GOLGB1: variants seen among roughly 807,000 people sequenced by gnomAD.
The protein encoded by GOLGB1 is golgin subfamily B member 1.
Under a neutral mutation model 336.9 loss-of-function variants are expected in GOLGB1, and 174 were observed. The ratio of observed to expected loss-of-function variants is 0.52; its 90% CI spans 0.46 to 0.59. The LOEUF (loss-of-function observed/expected upper bound fraction) is 0.59. GOLGB1 is among the 20% of genes least tolerant of loss of function. The probability of loss-of-function intolerance (pLI) is 0.00; values close to 1 mark genes in which losing one functional copy is unlikely to be tolerated. For missense variants in GOLGB1, 3,331 were observed against 3,645.3 expected (o/e 0.91, Z 2.22); for synonymous variants, 1,208 against 1,289.2 (o/e 0.94, Z 1.35).
chr3:121,690,111 A>C (rs1942271970), intron 14 of GOLGB1, among the ~76,000 whole-genome samples: 1 of 152,232 alleles, frequency 6.6e-6, no homozygotes, highest in South Asian at 2.1e-4. Flanking sequence ...GCCTGCAAAT[A>C]AAACTTTACT....
rs536131389 is a variant in GOLGB1 at position 121,664,194 on chromosome 3, A to G, written c.*286T>C. 27 of 396,318 alleles carry G rather than the reference A, an allele frequency of 6.8e-5. No individual in the cohort carries two copies. The highest frequency in any genetic ancestry group is 1.1e-4 in the Non-Finnish European group (24 of 216,520). The allele number at this position is 396,318 out of a possible 1,614,324, so 24.6% of individuals were successfully genotyped here. ...ATCTTTTACAGGACCACAAAAGATC[A>G]GGGTCCTGCAAAATCTCAACAAATA... On this transcript the variant is annotated 3_prime_UTR_variant, in exon 22 of 22. Coordinates refer to ENST00000614479, the MANE Select transcript of GOLGB1 (RefSeq NM_001366282.2).
chr3:121,742,228 G>A (rs921956588), intron 1 of GOLGB1, among the ~76,000 whole-genome samples: 8 of 152,032 alleles, frequency 5.3e-5, no homozygotes, highest in Non-Finnish European at 7.4e-5. Context: ...ACTACAAGGC[G>A]ACAGTAAGCA....
chr3:121,699,203 A>C (rs1227627629), intron 12 of GOLGB1, among the ~76,000 whole-genome samples: 1 of 152,128 alleles, frequency 6.6e-6, no homozygotes, highest in Non-Finnish European at 1.5e-5. Context: ...CTTACATAAG[A>C]AGCTTTTTTT....
At chr3:121,737,424 G>A (rs543008917) in intron 1 of GOLGB1, among the ~76,000 whole-genome samples, 133 of 151,998 alleles carry the variant, frequency 8.8e-4, no homozygotes, top group African/African-American at 3.1e-3. Context: ...AGGCTGAGGC[G>A]GGTGGATCAC....
chr3:121,665,436 C>A (rs1368989628), intron 20 of GOLGB1, among the ~76,000 whole-genome samples: 13 of 151,164 alleles, frequency 8.6e-5, no homozygotes. Context: ...GCCTCACGTT[C>A]TTTTTTCCAC....
At chr3:121,725,298 C>A (rs1945498842) in intron 5 of GOLGB1, among the ~76,000 whole-genome samples, 1 of 152,222 alleles carries the variant, frequency 6.6e-6, no homozygotes, top group African/African-American at 2.4e-5. Flanking sequence ...AGGGACAGAA[C>A]TGCCTGAGGT....
chr3:121,720,906 T>C (rs1945146718), intron 6 of GOLGB1, among the ~76,000 whole-genome samples: 2 of 152,210 alleles, frequency 1.3e-5, no homozygotes. Context: ...CACAGTAACC[T>C]CTTTCGCCTT....
chr3:121,704,062 G>C (rs781683365), intron 10 of GOLGB1, among the ~76,000 whole-genome samples: 1 of 151,852 alleles, frequency 6.6e-6, no homozygotes, highest in Non-Finnish European at 1.5e-5. Context: ...AGAAAGTCTT[G>C]GTGAATTGAG....
intron 15 of GOLGB1, among the ~76,000 whole-genome samples, chr3:121,679,581 A>G (rs1211529014): frequency 6.6e-6 from 1 of 152,158 alleles, no homozygotes; most frequent in Admixed American, 6.5e-5. Context: ...AATGATACTA[A>G]CCACCATACT....
Position 121,694,586 on chromosome 3 carries a change from C to G in GOLGB1, c.5937G>C (p.Gln1979His), listed in dbSNP as rs757961924. ...CVSELEEEKQ[Q>H]LVKEKTKVES... ...CCACCTTAGTTTTTTCCTTGACTAA[C>G]TGCTGCTTTTCTTCTTCCAATTCAC... Residue 1979 changes from glutamine (Q) to histidine (H), a missense_variant, in exon 13 of 22, where the codon CAG (glutamine) becomes CAC (histidine). By Grantham distance (24) the Gln-to-His change is conservative. Transcript: ENST00000614479. 2 of 1,612,362 alleles carry G rather than the reference C, an allele frequency of 1.2e-6. No homozygotes were observed. Among genetic ancestry groups the G allele is most frequent in the Non-Finnish European group, 1.7e-6 (2 of 1,179,982 alleles).
In GOLGB1 at chr3:121,689,031, C is replaced by A. The variant is rs553653603; in HGVS notation, c.8694+1639G>T. On this transcript the variant is annotated intron_variant, in intron 14 of 21. Coordinates refer to ENST00000614479, the MANE Select transcript of GOLGB1 (RefSeq NM_001366282.2). ...GAGGGAGGTGGGGGGGTCAGCCCCC[C>A]GCCCAGCCAGCCGCCCCGTCCGGGA... 4.7e-5 allele frequency among the ~76,000 whole-genome samples: 7 copies of A among 150,198 alleles called. No individual in the cohort carries two copies. The South Asian group carries it at 1.3e-3, about 27-fold the overall frequency.
In GOLGB1 at chr3:121,695,944, C is replaced by T; in HGVS notation, c.4579G>A (p.Asp1527Asn). ...TGAGCAGAAACTTGGCTTTCCACAT[C>T]TGCCAGAGACTTGGTGAGACGTTCA... ...TIERLTKSLADVESQVSAQNK... is the reference protein window; with the variant it reads ...TIERLTKSLANVESQVSAQNK... The change falls in exon 13 of 22, where the codon GAT (aspartate) becomes AAT (asparagine). Residue 1527 changes from aspartate (D) to asparagine (N), a missense_variant. By Grantham distance (23) the Asp-to-Asn change is conservative. Coordinates refer to ENST00000614479, the MANE Select transcript of GOLGB1 (RefSeq NM_001366282.2). 3 of 1,613,870 alleles carry T rather than the reference C, an allele frequency of 1.9e-6. No individual in the cohort carries two copies. Among genetic ancestry groups the T allele is most frequent in the Non-Finnish European group, 2.5e-6 (3 of 1,179,924 alleles).
intron 11 of GOLGB1, among the ~76,000 whole-genome samples, chr3:121,701,472 G>A (rs1943398065): frequency 6.6e-6 from 1 of 152,056 alleles, no homozygotes; most frequent in African/African-American, 2.4e-5. Context: ...AGAAATACTG[G>A]CTCTAGAGTT....
chr3:121,706,759 A>AAC (rs1943887385), intron 10 of GOLGB1, among the ~76,000 whole-genome samples: 1 of 145,410 alleles, frequency 6.9e-6, no homozygotes, highest in Non-Finnish European at 1.5e-5. Flanking sequence ...AAAAAAAAAA[A>AAC]CCAACAAAGA....
chr3:121,695,796 C>T lies in GOLGB1; in HGVS notation c.4727G>A (p.Ser1576Asn). 1.2e-6 allele frequency: 2 copies of T among 1,613,772 alleles called. No individual in the cohort carries two copies. The highest frequency in any genetic ancestry group is 1.7e-6 in the Non-Finnish European group (2 of 1,179,994). Residue 1576 changes from serine to asparagine, a missense_variant, in exon 13 of 22, where the codon AGT becomes AAT. Coordinates refer to ENST00000614479, the MANE Select transcript of GOLGB1 (RefSeq NM_001366282.2). ...ENQSLSSSCE[S>N]LKLALEGLTE... ...AAGACCCTCTAGAGCTAGTTTTAGA[C>T]TTTCACAGGAGCTGCTGAGACTCTG... is the stretch of plus-strand genomic sequence containing the variant.
At position 121,695,285 on chromosome 3, in the gene GOLGB1, C is replaced by T. The variant is rs991669476; in HGVS notation, c.5238G>A (p.Lys1746=). 8 of 1,613,824 alleles carry T rather than the reference C, an allele frequency of 5.0e-6. No individual in the cohort carries two copies. The African/African-American group carries it at 6.7e-5, about 13-fold the overall frequency. Residue 1746 remains lysine (K), a synonymous_variant, in exon 13 of 22, where the codon AAG becomes AAA. Coordinates refer to ENST00000614479, the MANE Select transcript of GOLGB1 (RefSeq NM_001366282.2). The part of the protein sequence containing the change: ...VKMEYETLSK[K]FQSLMSEKDS... The stretch of plus-strand genomic sequence containing the variant: ...CTTTCTCAGACATTAAAGACTGAAA[C>T]TTCTTAGAAAGGGTTTCATACTCCA...
intron 2 of GOLGB1, 72 bp from the exon 3 acceptor site, chr3:121,730,089 C>G: frequency 3.9e-6 from 4 of 1,028,438 alleles, no homozygotes; most frequent in Non-Finnish European, 5.8e-6. Context: ...TTTCTTCATT[C>G]CAACTTTTTA....
chr3:121,703,756 A>G (rs1221228012), intron 10 of GOLGB1, among the ~76,000 whole-genome samples: 1 of 152,224 alleles, frequency 6.6e-6, no homozygotes, highest in East Asian at 1.9e-4. Context: ...CCATTCACAC[A>G]TAAAGAAATA....
chr3:121,669,321 G>C lies in GOLGB1; in HGVS notation c.9212C>G (p.Ser3071Cys). Residue 3071 changes from serine to cysteine, a missense_variant, in exon 18 of 22, where the codon TCC becomes TGC. Ser to Cys is a moderately radical substitution (Grantham distance 112). Transcript: ENST00000614479. The part of the protein sequence containing the change: ...SQLLEEKNTL[S>C]IQLCDTSQSL... ...CTGACTGGTATCGCAGAGCTGAATG[G>C]AAAGGGTGTTTTTCTCTTCCAGTAG... 1 of 1,614,048 alleles carries C rather than the reference G, an allele frequency of 6.2e-7. No individual in the cohort carries two copies. The highest frequency in any genetic ancestry group is 1.1e-5 in the South Asian group (1 of 91,078).
Sources: allele counts gnomAD v4.1 joint callset (sites outside exome capture counted in the v4.1 genomes callset), GRCh38; gene constraint gnomAD v4.1.1; transcripts MANE v1.5; gene names NCBI Gene and HGNC (gene_info 2026-07-23, HGNC 2026-07-21).